FBXL17: variants seen among roughly 807,000 people sequenced by gnomAD.
FBXL17 encodes the protein F-box/LRR-repeat protein 17.
Under a neutral mutation model 66.2 loss-of-function variants are expected in FBXL17, and 22 were observed. The ratio of observed to expected loss-of-function variants is 0.33; its 90% CI spans 0.24 to 0.47. The LOEUF (loss-of-function observed/expected upper bound fraction) is 0.47. FBXL17 is among the 20% of genes least tolerant of loss of function. The pLI, the probability that FBXL17 is intolerant of heterozygous loss-of-function variation, is 1.00. For synonymous variants in FBXL17, 474 were observed against 400.5 expected (o/e 1.18, Z -2.19); for missense variants, 878 against 948.2 (o/e 0.93, Z 0.97).
chr5:108,074,466 T>A (rs1336040120), intron 6 of FBXL17, among the ~76,000 whole-genome samples: 1 of 152,108 alleles, frequency 6.6e-6, no homozygotes, highest in Non-Finnish European at 1.5e-5. Context: ...AAATAACATT[T>A]TTAAAATTAC....
chr5:107,861,650 C>G lies in FBXL17; in HGVS notation c.*70G>C. ...GACAGTTAAAACCCTTCCGAGAGAT[C>G]AGCTCCCCAAATGTACAATTCTCCT... On this transcript the variant is annotated 3_prime_UTR_variant, in exon 9 of 9. Coordinates refer to ENST00000542267, the MANE Select transcript of FBXL17 (RefSeq NM_001163315.3). 1 of 1,388,690 alleles carries G rather than the reference C, an allele frequency of 7.2e-7. No homozygotes were observed. Among genetic ancestry groups the G allele is most frequent in the Non-Finnish European group, 9.5e-7 (1 of 1,051,730 alleles). The allele number at this position is 1,388,690 out of a possible 1,614,324, so 86.0% of individuals were successfully genotyped here.
intron 5 of FBXL17, among the ~76,000 whole-genome samples, chr5:108,223,498 C>T (rs962680): frequency 0.46 from 67,991 of 147,812 alleles, 15,584 homozygotes; most frequent in Non-Finnish European, 0.5. Context: ...TTATAGTAGC[C>T]AGCTTTTCCA....
chr5:108,128,107 G>A lies in FBXL17; in HGVS notation c.1745+58010C>T, dbSNP rs186486371. Among the ~76,000 whole-genome samples the A allele has an allele frequency of 1.3e-3, 192 of 152,116 alleles. 1 individual carries two copies. The highest frequency in any genetic ancestry group is 7.5e-4 in the Non-Finnish European group (51 of 67,992). ...CTAAAAATATAGAAATTAGCTGGGC[G>A]TGGTGGTGCATGCCTATAATCCTAG... On this transcript the variant is annotated intron_variant, in intron 6 of 8. Coordinates refer to ENST00000542267, the MANE Select transcript of FBXL17 (RefSeq NM_001163315.3).
At chr5:107,928,431 TA>T (rs1750609688) in intron 7 of FBXL17, among the ~76,000 whole-genome samples, 1 of 150,536 alleles carries the variant, frequency 6.6e-6, no homozygotes, top group African/African-American at 2.4e-5. Context: ...TTTTTTTTTT[TA>T]AGTCAGCAAA....
chr5:108,186,055 T>G, intron 6 of FBXL17, 62 bp downstream of exon 6: 1 of 1,313,190 alleles, frequency 7.6e-7, no homozygotes. Flanking sequence ...CTTGTTATAA[T>G]AATTAATATT....
intron 6 of FBXL17, among the ~76,000 whole-genome samples, chr5:108,026,938 G>A (rs1374059251): frequency 6.6e-6 from 1 of 152,154 alleles, no homozygotes; most frequent in Non-Finnish European, 1.5e-5. Flanking sequence ...TGCCAACAGA[G>A]GGTGTCCTTT....
At chr5:108,145,985 G>A (rs1424084292) in intron 6 of FBXL17, among the ~76,000 whole-genome samples, 2 of 152,002 alleles carry the variant, frequency 1.3e-5, no homozygotes, top group East Asian at 3.9e-4. Flanking sequence ...TTGGGAGGCC[G>A]AGGCGGGCGG....
In FBXL17 at chr5:108,055,289, AAAAAAAAAAAAAAAAAAAAAAAAAG is replaced by A. The variant is rs1345302400; in HGVS notation, c.1746-34313_1746-34289del. On this transcript the variant is annotated intron_variant, in intron 6 of 8. Transcript: ENST00000542267. ...TGACATAGAATTTTTAGAAAAAAAAAAAAAAAAAAAAAAAAAAAAAAAAAGAAAAACGCTTCAGGCCGGGCACGGT... is the reference window on the plus strand; with the variant it reads ...TGACATAGAATTTTTAGAAAAAAAAAAAAAACGCTTCAGGCCGGGCACGGT... Among the ~76,000 whole-genome samples, 416 of 52,360 alleles carry A rather than the reference AAAAAAAAAAAAAAAAAAAAAAAAAG, an allele frequency of 7.9e-3. 4 individuals carry two copies. The highest frequency in any genetic ancestry group is 0.034 in the African/African-American group (389 of 11,308). 34.4% of individuals were successfully genotyped at this position (52,360 alleles called of 152,430 possible). A position where few individuals can be genotyped will look rare whatever the true frequency, so the allele number is the denominator to read the frequency against.
chr5:107,869,162 T>C (rs1748372680), intron 8 of FBXL17, among the ~76,000 whole-genome samples: 1 of 152,192 alleles, frequency 6.6e-6, no homozygotes, highest in South Asian at 2.1e-4. Flanking sequence ...ACAGACTCCC[T>C]GGGCAATGTC....
In FBXL17 at chr5:108,348,505, T is replaced by C. The variant is rs1267708517; in HGVS notation, c.1400A>G (p.Lys467Arg). The change falls in exon 4 of 9, where the codon AAA becomes AGA. Residue 467 changes from lysine (K) to arginine (R), a missense_variant. By Grantham distance (26) the Lys-to-Arg change is conservative (BLOSUM62 2). Transcript: ENST00000542267. ...GTAACACTGGCCGAAATGAATATCT[T>C]TGAGTTCTCTGCATTTTGAGCCCAG... ...KQLGSKCREL[K>R]DIHFGQCYKI... The C allele has an allele frequency of 1.9e-6, 3 of 1,613,612 alleles. No individual in the cohort carries two copies. The highest frequency in any genetic ancestry group is 1.1e-5 in the South Asian group (1 of 91,056).
intron 3 of FBXL17, among the ~76,000 whole-genome samples, chr5:108,349,769 T>G (rs927726709): frequency 6.6e-6 from 1 of 152,192 alleles, no homozygotes; most frequent in Non-Finnish European, 1.5e-5. Context: ...CCTCATATAC[T>G]ACTAAATTCC....
intron 4 of FBXL17, among the ~76,000 whole-genome samples, chr5:108,328,771 C>T (rs1029100869): frequency 1.3e-5 from 2 of 151,910 alleles, no homozygotes; most frequent in African/African-American, 2.4e-5. Flanking sequence ...GTAAAATCAA[C>T]CCAAGTATAT....
chr5:108,299,394 C>A (rs1475973597), intron 4 of FBXL17: 48 of 978,280 alleles, frequency 4.9e-5, no homozygotes, highest in Non-Finnish European at 5.6e-5. Context: ...CATATCAACA[C>A]AAGCAAGTTT....
chr5:108,310,947 C>A (rs1759087081), intron 4 of FBXL17, among the ~76,000 whole-genome samples: 1 of 152,128 alleles, frequency 6.6e-6, no homozygotes, highest in African/African-American at 2.4e-5. Flanking sequence ...ATTCCCTCTG[C>A]CAAAATGCCA....
intron 6 of FBXL17, among the ~76,000 whole-genome samples, chr5:108,047,562 T>C (rs1747304146): frequency 6.6e-6 from 1 of 152,176 alleles, no homozygotes; most frequent in Non-Finnish European, 1.5e-5. Flanking sequence ...GGGGGAAGGA[T>C]GGCATCCATC....
chr5:108,264,185 A>C (rs551657113), intron 4 of FBXL17, among the ~76,000 whole-genome samples: 2 of 132,000 alleles, frequency 1.5e-5, no homozygotes, highest in South Asian at 5.5e-4. Flanking sequence ...ACAGCACTCC[A>C]GCCTGGGCGA....
intron 5 of FBXL17, among the ~76,000 whole-genome samples, chr5:108,197,908 G>A (rs778653367): frequency 3.9e-5 from 6 of 152,062 alleles, no homozygotes; most frequent in Non-Finnish European, 8.8e-5. Context: ...TCAACCCCAA[G>A]TTAATAAAAA....
intron 4 of FBXL17, chr5:108,298,291 T>C (rs748090073): frequency 6.8e-5 from 67 of 984,732 alleles, no homozygotes; most frequent in Middle Eastern, 5.2e-4. Flanking sequence ...ACACAGAATT[T>C]GGCTTCCAAA....
intron 7 of FBXL17, among the ~76,000 whole-genome samples, chr5:107,944,007 CT>C (rs964498170): frequency 1.3e-5 from 2 of 152,134 alleles, no homozygotes; most frequent in African/African-American, 2.4e-5. Context: ...CAACTTTGTC[CT>C]TCTGTGCTGT....
Sources: gnomAD v4.1 joint callset for allele counts (sites outside exome capture counted in the v4.1 genomes callset) on GRCh38, gnomAD v4.1.1 for gene constraint, MANE v1.5 for transcripts, NCBI Gene and HGNC (gene_info 2026-07-23, HGNC 2026-07-21) for gene names.